DYNC1I1: variants seen among roughly 807,000 people sequenced by gnomAD.
DYNC1I1 encodes dynein cytoplasmic 1 intermediate chain 1.
In DYNC1I1, 43 loss-of-function variants were observed where a neutral mutation model predicts 86.6. The observed-to-expected ratio is 0.50, with a 90% CI of 0.39 to 0.64. DYNC1I1 has a LOEUF of 0.64. DYNC1I1 is among the 30% of genes least tolerant of loss of function. The probability of loss-of-function intolerance (pLI) is 0.00; values close to 1 mark genes in which losing one functional copy is unlikely to be tolerated. For synonymous variants in DYNC1I1, 262 were observed against 283.7 expected, an observed-to-expected ratio of 0.92 and a Z score of 0.77; for missense variants, 604 against 788.8, an observed-to-expected ratio of 0.77 and a Z score of 2.81.
rs537423985 is a variant in DYNC1I1 at position 96,108,948 on chromosome 7, T to C, written c.1543-1031T>C. On this transcript the variant is annotated intron_variant, in intron 16 of 16. Coordinates refer to the DYNC1I1 transcript ENST00000537881. ...TTGTTTCTTTCTTCTTCAGTGACTT[T>C]GGTAGGATATATCTTTCAAGGAATC... is the stretch of plus-strand genomic sequence containing the variant. Among the ~76,000 whole-genome samples the C allele has an allele frequency of 3.3e-5, 5 of 152,256 alleles. No individual in the cohort carries two copies. In the South Asian group the frequency reaches 1.0e-3, roughly 32 times the overall value.
At chr7:95,853,331 A>G (rs796998988) in intron 5 of DYNC1I1, among the ~76,000 whole-genome samples, 39 of 152,288 alleles carry the variant, frequency 2.6e-4, no homozygotes, top group African/African-American at 9.4e-4. Context: ...GATTCCTTAT[A>G]AAAGGACAAG....
intron 5 of DYNC1I1, among the ~76,000 whole-genome samples, chr7:95,863,154 G>A (rs1256908626): frequency 1.3e-5 from 2 of 152,116 alleles, no homozygotes; most frequent in African/African-American, 2.4e-5. Flanking sequence ...TAAAAGTAAT[G>A]TATAACCATA....
At chr7:96,000,122 T>G (rs988767435) in intron 10 of DYNC1I1, among the ~76,000 whole-genome samples, 1 of 152,142 alleles carries the variant, frequency 6.6e-6, no homozygotes, top group Non-Finnish European at 1.5e-5. Flanking sequence ...GGCTAAGAAG[T>G]GGTTATTACA....
intron 14 of DYNC1I1, among the ~76,000 whole-genome samples, chr7:96,066,740 A>G (rs1000267960): frequency 8.5e-5 from 13 of 152,208 alleles, no homozygotes; most frequent in South Asian, 2.1e-4. Context: ...ATTTTGCAGT[A>G]TATTTAACTT....
At chr7:95,898,157 A>G (rs958740309) in intron 6 of DYNC1I1, among the ~76,000 whole-genome samples, 1 of 152,178 alleles carries the variant, frequency 6.6e-6, no homozygotes, top group African/African-American at 2.4e-5. Context: ...CTGCAAATCT[A>G]CACAGATTGT....
exon 17 of DYNC1I1, chr7:96,110,030 C>T (rs1791288838): frequency 2.3e-6 from 1 of 427,530 alleles, no homozygotes. Context: ...TCAAGCAATC[C>T]TCCTATGTTG....
At chr7:96,105,381 A>G (rs1791200946) in intron 16 of DYNC1I1, among the ~76,000 whole-genome samples, 1 of 151,326 alleles carries the variant, frequency 6.6e-6, no homozygotes, top group South Asian at 2.1e-4. Context: ...GTAGATGCTG[A>G]GTTTTATCAT....
At chr7:95,820,593 C>T (rs1277219445) in intron 4 of DYNC1I1, among the ~76,000 whole-genome samples, 1 of 152,224 alleles carries the variant, frequency 6.6e-6, no homozygotes, top group Non-Finnish European at 1.5e-5. Context: ...AGCTCTCTCT[C>T]CATCTTAGAG....
At chr7:95,825,373 G>A (rs1005499842) in intron 4 of DYNC1I1, among the ~76,000 whole-genome samples, 4 of 152,130 alleles carry the variant, frequency 2.6e-5, no homozygotes, top group African/African-American at 9.7e-5. Flanking sequence ...GGAAAATGGA[G>A]GTCAAATAGT....
At chr7:96,035,351 C>T (rs1012542310) in intron 12 of DYNC1I1, among the ~76,000 whole-genome samples, 1 of 152,194 alleles carries the variant, frequency 6.6e-6, no homozygotes, top group Non-Finnish European at 1.5e-5. Context: ...TTAGTTTCTG[C>T]ACCATTAGTT....
rs1315133724 is a variant in DYNC1I1 at position 95,804,758 on chromosome 7, A to G, written c.29A>G (p.Glu10Gly). ...TCTGACAAAAGTGACTTAAAAGCTGAGCTAGAGCGCAAAAAGCAGCGCTTA... is the reference window on the plus strand; with the variant it reads ...TCTGACAAAAGTGACTTAAAAGCTGGGCTAGAGCGCAAAAAGCAGCGCTTA... MSDKSDLKA[E>G]LERKKQRLAQ... Residue 10 changes from glutamate (E) to glycine (G), a missense_variant, in exon 2 of 17, where the codon GAG (glutamate) becomes GGG (glycine). Glu to Gly is a moderately conservative substitution (Grantham distance 98). Coordinates refer to ENST00000447467, the MANE Select transcript of DYNC1I1 (RefSeq NM_001135556.2). 2 of 1,603,480 alleles carry G rather than the reference A, an allele frequency of 1.2e-6. No individual in the cohort carries two copies. Among genetic ancestry groups the G allele is most frequent in the South Asian group, 2.2e-5 (2 of 89,426 alleles).
At chr7:95,872,511 G>A (rs905504985) in intron 6 of DYNC1I1, among the ~76,000 whole-genome samples, 2 of 152,106 alleles carry the variant, frequency 1.3e-5, no homozygotes, top group Non-Finnish European at 2.9e-5. Context: ...GAAGGGGAAG[G>A]CACTTTGGAT....
At chr7:96,005,076 T>C (rs1370700543) in intron 10 of DYNC1I1, among the ~76,000 whole-genome samples, 1 of 152,210 alleles carries the variant, frequency 6.6e-6, no homozygotes, top group Non-Finnish European at 1.5e-5. Context: ...GTAAAAACTT[T>C]CTTCTCTGCA....
chr7:95,920,224 G>A (rs1488337973), intron 6 of DYNC1I1, among the ~76,000 whole-genome samples: 2 of 152,126 alleles, frequency 1.3e-5, no homozygotes, highest in East Asian at 1.9e-4. Flanking sequence ...GAGGAGCATG[G>A]CACTTTACTT....
chr7:95,822,702 C>A lies in DYNC1I1; in HGVS notation c.315-5355C>A, dbSNP rs146456762. On this transcript the variant is annotated intron_variant, in intron 4 of 16. Transcript: ENST00000447467. Reference sequence around the variant, plus strand: ...CAGAGATCCCACCTAGACAGAACCTCAGAAAGTTAGCCTAAGAAATCAATT... The same window carrying A: ...CAGAGATCCCACCTAGACAGAACCTAAGAAAGTTAGCCTAAGAAATCAATT... Among the ~76,000 whole-genome samples, 576 of 152,264 alleles carry A rather than the reference C, an allele frequency of 3.8e-3. 4 individuals carry two copies. The highest frequency in any genetic ancestry group is 0.013 in the African/African-American group (546 of 41,552).
chr7:95,796,654 T>TA (rs1794445106), intron 1 of DYNC1I1, among the ~76,000 whole-genome samples: 3 of 152,122 alleles, frequency 2.0e-5, no homozygotes, highest in South Asian at 4.2e-4. Context: ...TTTCTTTTCC[T>TA]AAAAAAAGCC....
intron 16 of DYNC1I1, among the ~76,000 whole-genome samples, chr7:96,084,530 C>T (rs1790622171): frequency 7.0e-6 from 1 of 143,678 alleles, no homozygotes; most frequent in Non-Finnish European, 1.5e-5. Context: ...TCAAGCAATT[C>T]TCCTGCCTTA....
At chr7:96,063,690 A>G (rs1489612709) in intron 14 of DYNC1I1, among the ~76,000 whole-genome samples, 1 of 152,184 alleles carries the variant, frequency 6.6e-6, no homozygotes, top group African/African-American at 2.4e-5. Flanking sequence ...TTATTTCTTT[A>G]AAGACCTTAC....
chr7:96,018,033 C>T (rs1017927989), intron 10 of DYNC1I1, among the ~76,000 whole-genome samples: 13 of 152,118 alleles, frequency 8.5e-5, no homozygotes, highest in South Asian at 2.1e-4. Context: ...TATCACCTGT[C>T]GCAACTGATA....
Sources: allele counts gnomAD v4.1 joint callset (sites outside exome capture counted in the v4.1 genomes callset), GRCh38; gene constraint gnomAD v4.1.1; transcripts MANE v1.5; gene names NCBI Gene and HGNC (gene_info 2026-07-23, HGNC 2026-07-21).